The following ASPG variants were observed in gnomAD, a reference collection of about 807,000 sequenced individuals.
The protein encoded by ASPG is asparaginase, also known as 60 kDa lysophospholipase.
Under a neutral mutation model 63.2 loss-of-function variants are expected in ASPG, and 53 were observed. The observed-to-expected ratio is 0.84, with a 90% CI of 0.67 to 1.05. The LOEUF (loss-of-function observed/expected upper bound fraction) is 1.05. Ranked by LOEUF, ASPG falls within the 50% of genes least tolerant of loss-of-function variation. The pLI is 0.00. For synonymous variants in ASPG, 370 were observed against 355.0 expected, an observed-to-expected ratio of 1.04 and a Z score of -0.48; for missense variants, 741 against 794.4, an observed-to-expected ratio of 0.93 and a Z score of 0.81.
At chr14:104,098,760 G>C in intron 5 of ASPG, 93 bp from the exon 6 acceptor site, 1 of 1,552,880 alleles carries the variant, frequency 6.4e-7, no homozygotes, top group Non-Finnish European at 8.7e-7. Context: ...CCTGGGTCTG[G>C]GCACCTCATT....
chr14:104,099,398 T>C (rs1333274732), intron 6 of ASPG, among the ~76,000 whole-genome samples: 4 of 152,140 alleles, frequency 2.6e-5, no homozygotes, highest in Non-Finnish European at 5.9e-5. Flanking sequence ...CAGCCATCCT[T>C]GTGGGGCTGA....
intron 11 of ASPG, 87 bp downstream of exon 11, chr14:104,106,981 A>G: frequency 7.2e-7 from 1 of 1,386,376 alleles, no homozygotes; most frequent in South Asian, 1.3e-5. Flanking sequence ...CCTTTCATCC[A>G]CCCACTGACC....
At chr14:104,096,590 G>C (rs535134252) in intron 4 of ASPG, among the ~76,000 whole-genome samples, 1 of 152,264 alleles carries the variant, frequency 6.6e-6, no homozygotes, top group South Asian at 2.1e-4. Flanking sequence ...AGACCTTCCC[G>C]AGCCCTGGGG....
intron 2 of ASPG, 156 bp from the exon 3 acceptor site, chr14:104,093,335 C>T (rs559582752): frequency 1.4e-4 from 100 of 720,962 alleles, no homozygotes; most frequent in African/African-American, 4.5e-4. Context: ...GGCCGGGCCC[C>T]GTACCTGGGA....
Position 104,093,486 on chromosome 14 carries a change from C to T in ASPG, c.192-5C>T, listed in dbSNP as rs747201098. 2.9e-5 allele frequency: 46 copies of T among 1,611,160 alleles called. No homozygotes were observed. In the East Asian group the frequency reaches 5.6e-4, roughly 20 times the overall value. ...GTTCCGCCTCCTGCTGTTTCTGTCC[C>T]GCAGCCCGGCCAGCCGCAACCAGAG... is the stretch of plus-strand genomic sequence containing the variant. On this transcript the variant is annotated splice_polypyrimidine_tract_variant and splice_region_variant and intron_variant, in intron 2 of 15. Transcript: ENST00000551177.
intron 6 of ASPG, among the ~76,000 whole-genome samples, chr14:104,101,085 G>A (rs7158957): frequency 0.1 from 15,946 of 152,280 alleles, 925 homozygotes; most frequent in East Asian, 0.12. Context: ...GCTCCTGGGC[G>A]CAGCACTAAG....
At chr14:104,097,449 C>T (rs2036643339) in intron 4 of ASPG, 105 bp from the exon 5 acceptor site, 4 of 1,155,408 alleles carry the variant, frequency 3.5e-6, no homozygotes, top group Non-Finnish European at 4.8e-6. Flanking sequence ...CCACACCCGC[C>T]TGGGGCTCCT....
intron 4 of ASPG, among the ~76,000 whole-genome samples, chr14:104,096,332 C>T (rs577166695): frequency 1.7e-4 from 26 of 152,276 alleles, no homozygotes; most frequent in Admixed American, 7.2e-4. Context: ...TATGGGAAAC[C>T]GGTACCTGTG....
At chr14:104,099,036 G>A in intron 6 of ASPG, 57 bp downstream of exon 6, 1 of 1,528,856 alleles carries the variant, frequency 6.5e-7, no homozygotes, top group Non-Finnish European at 8.8e-7. Flanking sequence ...TGGGCGAGGG[G>A]CTGCTGCAGG....
At chr14:104,086,442 G>T (rs1332540563) in intron 1 of ASPG, among the ~76,000 whole-genome samples, 1 of 152,210 alleles carries the variant, frequency 6.6e-6, no homozygotes, top group Non-Finnish European at 1.5e-5. Flanking sequence ...ACCAGCGATT[G>T]CGTCTGGACT....
intron 1 of ASPG, among the ~76,000 whole-genome samples, chr14:104,086,105 GC>G (rs915386895): frequency 3.9e-5 from 6 of 152,158 alleles, no homozygotes; most frequent in African/African-American, 1.4e-4. Context: ...CTGGGGCCAG[GC>G]CCCCTGTGCT....
At chr14:104,104,056 G>A (rs1043376212) in intron 7 of ASPG, among the ~76,000 whole-genome samples, 2 of 152,190 alleles carry the variant, frequency 1.3e-5, no homozygotes, top group Admixed American at 6.5e-5. Context: ...GTGTTTCCAC[G>A]GCGTTCTGCC....
At chr14:104,105,007 C>T (rs2037059778) in intron 9 of ASPG, 1 of 574,800 alleles carries the variant, frequency 1.7e-6, no homozygotes, top group Non-Finnish European at 3.1e-6. Flanking sequence ...CTAACTGTCG[C>T]CAGGAAATCC....
intron 5 of ASPG, among the ~76,000 whole-genome samples, chr14:104,098,179 GCGTTAGAGATGCGTATGGAGGTTTTA>G (rs2036710763): frequency 2.4e-5 from 3 of 126,490 alleles, no homozygotes; most frequent in Non-Finnish European, 1.8e-5. Flanking sequence ...TGGAGGTTCT[GCGTTAGAGATGCGTATGGAGGTTTTA>G]CGTTAGAGAT....
At chr14:104,100,635 G>A (rs2036834739) in intron 6 of ASPG, among the ~76,000 whole-genome samples, 1 of 152,224 alleles carries the variant, frequency 6.6e-6, no homozygotes, top group Non-Finnish European at 1.5e-5. Context: ...CTTCTAGGGA[G>A]TGTGAGGCCC....
chr14:104,102,348 G>A (rs554792878), intron 6 of ASPG, among the ~76,000 whole-genome samples: 6 of 151,826 alleles, frequency 4.0e-5, no homozygotes, highest in Non-Finnish European at 8.8e-5. Flanking sequence ...CCTTTTTATC[G>A]CATGCAAGCT....
Position 104,114,625 on chromosome 14 carries a change from G to T in ASPG, c.*2081G>T, listed in dbSNP as rs983314065. On this transcript the variant is annotated 3_prime_UTR_variant, in exon 16 of 16. Coordinates refer to ENST00000551177, the MANE Select transcript of ASPG (RefSeq NM_001080464.3). ...ACCCAGAAGTGGCAGGAGGTGCAGG[G>T]CCACTGCTCGGGGCTCCCTGGGCTC... The T allele has an allele frequency of 2.6e-5, 4 of 152,362 alleles. No homozygotes were observed. Among genetic ancestry groups the T allele is most frequent in the African/African-American group, 9.6e-5 (4 of 41,452 alleles). 9.4% of individuals were successfully genotyped at this position (152,362 alleles called of 1,614,324 possible). A position where few individuals can be genotyped will look rare whatever the true frequency, so the allele number is the denominator to read the frequency against.
At position 104,103,440 on chromosome 14, in the gene ASPG, C is replaced by T. The variant is rs147371507; in HGVS notation, c.641-123C>T. 3.5e-4 allele frequency: 289 copies of T among 821,106 alleles called. 1 individual carries two copies. In the African/African-American group the frequency reaches 4.0e-3, roughly 11 times the overall value. 50.9% of individuals were successfully genotyped at this position (821,106 alleles called of 1,614,324 possible). ...AGGAGGCAGGGCGAGGGGGCTGAGC[C>T]GCGAAGGCTCAGGGCTCTGAAAACA... On this transcript the variant is annotated intron_variant, in intron 6 of 15. Coordinates refer to ENST00000551177, the MANE Select transcript of ASPG (RefSeq NM_001080464.3).
intron 4 of ASPG, among the ~76,000 whole-genome samples, chr14:104,096,514 G>A (rs1024992178): frequency 1.2e-4 from 18 of 152,252 alleles, no homozygotes; most frequent in Admixed American, 9.1e-4. Flanking sequence ...GTTAGCGGTG[G>A]AGCAGTGCCT....
Sources: allele counts gnomAD v4.1 joint callset (sites outside exome capture counted in the v4.1 genomes callset), GRCh38; gene constraint gnomAD v4.1.1; transcripts MANE v1.5; gene names NCBI Gene and HGNC (gene_info 2026-07-23, HGNC 2026-07-21).